The following HS1BP3 variants were observed in gnomAD, a reference collection of about 807,000 sequenced individuals.
HS1BP3 encodes HCLS1-binding protein 3.
A neutral mutation model predicts 33.5 loss-of-function variants in HS1BP3; 32 were observed. That is an observed-to-expected ratio of 0.95 (90% CI 0.72 to 1.28). The LOEUF is 1.28. HS1BP3 is among the 50% of genes most tolerant of loss of function. HS1BP3 has a pLI of 0.00. For synonymous variants in HS1BP3, 187 were observed against 209.2 expected (o/e 0.89, Z 0.92); for missense variants, 486 against 502.3 (o/e 0.97, Z 0.31).
At chr2:20,606,062 A>G (rs1694170242) in intron 2 of HS1BP3, among the ~76,000 whole-genome samples, 1 of 152,198 alleles carries the variant, frequency 6.6e-6, no homozygotes, top group African/African-American at 2.4e-5. Context: ...CATTCCTATC[A>G]GCAGGGTATG....
At chr2:20,598,512 T>TTCCTAACA (rs1292992028) in intron 2 of HS1BP3, among the ~76,000 whole-genome samples, 1 of 149,710 alleles carries the variant, frequency 6.7e-6, no homozygotes, top group Non-Finnish European at 1.5e-5. Flanking sequence ...TGCAGCCCGG[T>TTCCTAACA]TCCTAACAGG....
intron 5 of HS1BP3, among the ~76,000 whole-genome samples, chr2:20,576,514 G>C (rs1264356585): frequency 6.6e-6 from 1 of 152,184 alleles, no homozygotes; most frequent in Non-Finnish European, 1.5e-5. Flanking sequence ...CTCTAGTCTA[G>C]AGCCTGAAAA....
At chr2:20,608,474 T>G (rs1694246297) in intron 2 of HS1BP3, among the ~76,000 whole-genome samples, 1 of 149,218 alleles carries the variant, frequency 6.7e-6, no homozygotes, top group Non-Finnish European at 1.5e-5. Context: ...CTTGGGAGAC[T>G]GAAGCAGGAG....
intron 1 of HS1BP3, among the ~76,000 whole-genome samples, chr2:20,648,329 C>G (rs1160335941): frequency 6.6e-6 from 1 of 152,188 alleles, no homozygotes; most frequent in African/African-American, 2.4e-5. Context: ...GATCTTGAAC[C>G]CTTTCCAGCC....
chr2:20,613,743 C>T (rs1368068261), downstream of HS1BP3, among the ~76,000 whole-genome samples: 1 of 152,240 alleles, frequency 6.6e-6, no homozygotes, highest in Admixed American at 6.5e-5. Flanking sequence ...GACACGTCCC[C>T]TCACATGGGA....
In HS1BP3 at chr2:20,624,744, A is replaced by T; in HGVS notation, c.772T>A (p.Ser258Thr). ...LSPQDPSEDV[S>T]SVDPLKLFDD... The stretch of plus-strand genomic sequence containing the variant: ...GGGCTCTACTTACGGTCCACGGATG[A>T]CACGTCCTCCGAGGGGTCCTGTGGA... Residue 258 changes from serine to threonine, a missense_variant, in exon 5 of 7, where the codon TCA (serine) becomes ACA (threonine). Transcript: ENST00000304031. The T allele has an allele frequency of 6.2e-7, 1 of 1,601,012 alleles. No homozygotes were observed. Among genetic ancestry groups the T allele is most frequent in the Non-Finnish European group, 8.5e-7 (1 of 1,172,338 alleles).
chr2:20,600,004 A>G (rs1694035338), intron 2 of HS1BP3, among the ~76,000 whole-genome samples: 1 of 152,104 alleles, frequency 6.6e-6, no homozygotes, highest in Non-Finnish European at 1.5e-5. Context: ...GGGGCCTGAG[A>G]GTGGTCCCAG....
Position 20,619,185 on chromosome 2 carries a change from C to T in HS1BP3, c.981G>A (p.Gln327=). Residue 327 remains glutamine, a synonymous_variant, in exon 7 of 7, where the codon CAG becomes CAA. Transcript: ENST00000304031. ...CTGCCACTGGTGGCTTGGGCTTAAG[C>T]TGGGGCTTGGGTTTGGGCTCAGCTC... The part of the protein sequence containing the change: ...NLGAEPKPKP[Q]LKPKPPVAAK... 1.2e-6 allele frequency: 2 copies of T among 1,613,992 alleles called. No homozygotes were observed. The highest frequency in any genetic ancestry group is 1.7e-6 in the Non-Finnish European group (2 of 1,179,924).
chr2:20,559,462 ATGGATGAATGGATGGATGGATGGATGAT>A (rs1296773918), downstream of HS1BP3, among the ~76,000 whole-genome samples: 6 of 152,008 alleles, frequency 3.9e-5, no homozygotes, highest in Non-Finnish European at 7.4e-5. Flanking sequence ...GGGTGGGTGG[ATGGATGAATGGATGGATGGATGGATGAT>A]TGGATGAATG....
intron 5 of HS1BP3, among the ~76,000 whole-genome samples, chr2:20,583,105 GC>G (rs1452969354): frequency 6.6e-6 from 1 of 152,212 alleles, no homozygotes; most frequent in Non-Finnish European, 1.5e-5. Context: ...GCAAGGAGGG[GC>G]GATGGAGCAG....
chr2:20,599,923 A>T (rs1292311454), intron 2 of HS1BP3, among the ~76,000 whole-genome samples: 1 of 152,170 alleles, frequency 6.6e-6, no homozygotes, highest in African/African-American at 2.4e-5. Context: ...AGTCACAGGC[A>T]GCCTGTCTGC....
chr2:20,624,772 C>A lies in HS1BP3; in HGVS notation c.744G>T (p.Leu248=), dbSNP rs769617051. The A allele has an allele frequency of 5.6e-6, 9 of 1,612,412 alleles. No homozygotes were observed. Among genetic ancestry groups the A allele is most frequent in the Non-Finnish European group, 7.6e-6 (9 of 1,179,090 alleles). The change falls in exon 5 of 7, where the codon CTG becomes CTT. Residue 248 remains leucine (L), a synonymous_variant. Coordinates refer to ENST00000304031, the MANE Select transcript of HS1BP3 (RefSeq NM_022460.4). The part of the protein sequence containing the change: ...DEGLFGPGRK[L]SPQDPSEDVS... ...CGTCCTCCGAGGGGTCCTGTGGAGA[C>A]AGCTTCCTGCCCGGGCCAAAGAGCC...
At chr2:20,582,854 G>T (rs922798275) in intron 5 of HS1BP3, among the ~76,000 whole-genome samples, 13 of 152,150 alleles carry the variant, frequency 8.5e-5, no homozygotes, top group African/African-American at 3.1e-4. Context: ...TCCCTGAGGG[G>T]TTCAGACACA....
At chr2:20,600,564 C>T (rs1694050609) in intron 2 of HS1BP3, among the ~76,000 whole-genome samples, 1 of 152,190 alleles carries the variant, frequency 6.6e-6, no homozygotes, top group African/African-American at 2.4e-5. Context: ...TTGCGTAACA[C>T]ACAGACCAAC....
intron 3 of HS1BP3, among the ~76,000 whole-genome samples, chr2:20,596,612 A>G (rs958354533): frequency 1.4e-4 from 22 of 152,220 alleles, no homozygotes; most frequent in Non-Finnish European, 8.8e-5. Context: ...TGTTGTTTAT[A>G]ATCACCCAGT....
chr2:20,585,410 T>C (rs541239116), intron 5 of HS1BP3, among the ~76,000 whole-genome samples: 2 of 152,312 alleles, frequency 1.3e-5, no homozygotes, highest in South Asian at 2.1e-4. Context: ...AACTATATAT[T>C]TGCCTTAACT....
chr2:20,597,459 C>G (rs1693968767), intron 3 of HS1BP3, among the ~76,000 whole-genome samples: 1 of 152,142 alleles, frequency 6.6e-6, no homozygotes, highest in African/African-American at 2.4e-5. Flanking sequence ...AAGCCTTCAC[C>G]TTCCACGTTG....
At position 20,619,218 on chromosome 2, in the gene HS1BP3, CAGAA is replaced by C; in HGVS notation, c.944_947del (p.Ile315ArgfsTer24). The C allele has an allele frequency of 6.2e-7, 1 of 1,611,302 alleles. No individual in the cohort carries two copies. The highest frequency in any genetic ancestry group is 1.7e-4 in the Middle Eastern group (1 of 6,044). On this transcript the variant is annotated frameshift_variant, in exon 7 of 7. Transcript: ENST00000304031. LOFTEE classifies it low-confidence loss of function (END_TRUNC). Reference sequence around the variant, plus strand: ...TGGGTTTGGGCTCAGCTCCCAGGTTCAGAATCTGGTCCAAGTCCTCTTCAACTCT... The same window carrying C: ...TGGGTTTGGGCTCAGCTCCCAGGTTCTCTGGTCCAAGTCCTCTTCAACTCT...
intron 5 of HS1BP3, among the ~76,000 whole-genome samples, chr2:20,572,101 T>A (rs901490513): frequency 2.6e-5 from 4 of 152,214 alleles, no homozygotes; most frequent in Non-Finnish European, 5.9e-5. Context: ...ACTCTTTCCT[T>A]TCTGATGGCT....
Sources: allele counts gnomAD v4.1 joint callset (sites outside exome capture counted in the v4.1 genomes callset), GRCh38; gene constraint gnomAD v4.1.1; transcripts MANE v1.5; gene names NCBI Gene and HGNC (gene_info 2026-07-23, HGNC 2026-07-21).